ABCC8: variants seen among roughly 807,000 people sequenced by gnomAD.
The protein encoded by ABCC8 is ATP-binding cassette sub-family C member 8.
A neutral mutation model predicts 188.0 loss-of-function variants in ABCC8; 137 were observed. The ratio of observed to expected loss-of-function variants is 0.73; its 90% confidence interval spans 0.63 to 0.84. The LOEUF (loss-of-function observed/expected upper bound fraction) is 0.84, where lower values mean the gene tolerates loss of function less well. Among genes scored for constraint, ABCC8 ranks in the 40% least tolerant of loss-of-function variants. ABCC8 has a pLI of 0.00. For synonymous variants in ABCC8, 797 were observed against 846.5 expected (o/e 0.94, Z 1.01); for missense variants, 1,750 against 2,072.7 (o/e 0.84, Z 3.02).
intron 6 of ABCC8, among the ~76,000 whole-genome samples, chr11:17,456,015 C>T (rs1956982294): frequency 6.6e-6 from 1 of 151,532 alleles, no homozygotes; most frequent in African/African-American, 2.4e-5. Flanking sequence ...GAAGGCAGGC[C>T]CTGTTGGAGT....
In ABCC8 at chr11:17,400,433, G is replaced by A. The variant is rs144995111; in HGVS notation, c.3651-1992C>T. The stretch of plus-strand genomic sequence containing the variant: ...TGAGATGGGAGCTTCTGCCACAGGC[G>A]TGCGACAGTGTGTCTGAGGACTAGA... On this transcript the variant is annotated intron_variant, in intron 29 of 38. Coordinates refer to ENST00000389817, the MANE Select transcript of ABCC8 (RefSeq NM_000352.6). 2.2e-3 allele frequency among the ~76,000 whole-genome samples: 329 copies of A among 152,298 alleles called. 2 individuals carry two copies. Among genetic ancestry groups the A allele is most frequent in the Non-Finnish European group, 1.9e-3 (127 of 68,024 alleles).
intron 10 of ABCC8, among the ~76,000 whole-genome samples, chr11:17,438,903 C>A (rs56107683): frequency 6.6e-6 from 1 of 152,224 alleles, no homozygotes; most frequent in Non-Finnish European, 1.5e-5. Context: ...CAGAGCAACA[C>A]ACCTCACCAA....
chr11:17,397,110 C>G, intron 32 of ABCC8, 64 bp from the exon 33 acceptor site: 2 of 1,613,832 alleles, frequency 1.2e-6, no homozygotes, highest in Non-Finnish European at 1.7e-6. Context: ...AAGTGCCACC[C>G]CATCCCCAGG....
chr11:17,423,225 T>C (rs1487372559), intron 16 of ABCC8, among the ~76,000 whole-genome samples: 1 of 151,566 alleles, frequency 6.6e-6, no homozygotes, highest in Non-Finnish European at 1.5e-5. Context: ...GGCATGGTGG[T>C]GTACACCTGT....
At chr11:17,397,168 C>T (rs1953977378) in intron 32 of ABCC8, 25 bp downstream of exon 32, 1 of 1,613,392 alleles carries the variant, frequency 6.2e-7, no homozygotes, top group Non-Finnish European at 8.5e-7. Context: ...GGACTCTTCC[C>T]CACCCCTCTC....
At chr11:17,394,512 T>C (rs1269039927) in intron 36 of ABCC8, 113 bp from the exon 37 acceptor site, 1 of 1,551,934 alleles carries the variant, frequency 6.4e-7, no homozygotes, top group African/African-American at 1.4e-5. Flanking sequence ...GGCAAATAGG[T>C]GGGTGTGTGT....
chr11:17,405,975 A>G (rs1339458041), intron 26 of ABCC8, among the ~76,000 whole-genome samples: 2 of 152,230 alleles, frequency 1.3e-5, no homozygotes, highest in Non-Finnish European at 2.9e-5. Flanking sequence ...TGGGGCAAAT[A>G]GAGAGTAAAA....
At chr11:17,426,891 G>A (rs995518071) in intron 16 of ABCC8, among the ~76,000 whole-genome samples, 158 bp downstream of exon 16, 2 of 152,208 alleles carry the variant, frequency 1.3e-5, no homozygotes, top group African/African-American at 2.4e-5. Flanking sequence ...AGGTGAATAC[G>A]TACTAGTGAT....
At chr11:17,467,022 T>G (rs1221191773) in intron 3 of ABCC8, among the ~76,000 whole-genome samples, 4 of 144,848 alleles carry the variant, frequency 2.8e-5, no homozygotes, top group Non-Finnish European at 6.0e-5. Context: ...GATGATAAAT[T>G]TTATGTTAAA....
At chr11:17,418,763 C>T (rs867491235) in intron 16 of ABCC8, among the ~76,000 whole-genome samples, 8 of 152,184 alleles carry the variant, frequency 5.3e-5, no homozygotes, top group East Asian at 3.9e-4. Context: ...GATCAGCTCC[C>T]GTGTAATTTG....
intron 33 of ABCC8, chr11:17,396,622 T>C (rs1953941910): frequency 2.2e-6 from 1 of 449,222 alleles, no homozygotes; most frequent in Non-Finnish European, 4.1e-6. Context: ...CCCCTGACCA[T>C]TCGCAGAGAG....
At chr11:17,400,499 G>A (rs1954182843) in intron 29 of ABCC8, among the ~76,000 whole-genome samples, 1 of 152,142 alleles carries the variant, frequency 6.6e-6, no homozygotes, top group African/African-American at 2.4e-5. Flanking sequence ...CCAGGTTGGA[G>A]CCTGAACATC....
chr11:17,398,317 G>A, intron 30 of ABCC8, 22 bp downstream of exon 30: 1 of 1,613,862 alleles, frequency 6.2e-7, no homozygotes, highest in Non-Finnish European at 8.5e-7. Context: ...CAGAGGCCAG[G>A]GTAGAGGGGA....
chr11:17,450,553 C>A (rs1232351639), intron 7 of ABCC8, among the ~76,000 whole-genome samples: 2 of 150,724 alleles, frequency 1.3e-5, no homozygotes, highest in Non-Finnish European at 3.0e-5. Context: ...CGCCACCATG[C>A]CTGGCTAATT....
At chr11:17,396,290 G>A (rs2133404272) in intron 33 of ABCC8, 1 of 413,184 alleles carries the variant, frequency 2.4e-6, no homozygotes, top group South Asian at 2.2e-5. Flanking sequence ...GGTATGCATG[G>A]ATGTGTCTGT....
At chr11:17,394,226 T>C (rs1403313357) in intron 37 of ABCC8, 40 bp downstream of exon 37, 2 of 1,606,694 alleles carry the variant, frequency 1.2e-6, no homozygotes, top group African/African-American at 2.7e-5. Context: ...CACTAAACCC[T>C]TTCCAAGACC....
At chr11:17,442,604 G>A (rs1031961765) in intron 10 of ABCC8, 116 bp downstream of exon 10, 36 of 1,047,662 alleles carry the variant, frequency 3.4e-5, no homozygotes, top group African/African-American at 1.2e-4. Context: ...CTACTGAGTC[G>A]GATAATCTCA....
intron 7 of ABCC8, among the ~76,000 whole-genome samples, chr11:17,451,866 T>C (rs1408353615): frequency 1.3e-5 from 2 of 152,218 alleles, no homozygotes; most frequent in Non-Finnish European, 2.9e-5. Context: ...GCAAATCAGG[T>C]ATTACCATTT....
intron 8 of ABCC8, among the ~76,000 whole-genome samples, chr11:17,445,836 G>A (rs1564951593): frequency 6.6e-6 from 1 of 151,894 alleles, no homozygotes; most frequent in Non-Finnish European, 1.5e-5. Context: ...GGGGGGCTGG[G>A]ACAGGGCCAG....
Sources: allele counts gnomAD v4.1 joint callset (sites outside exome capture counted in the v4.1 genomes callset), GRCh38; gene constraint gnomAD v4.1.1; transcripts MANE v1.5; gene names NCBI Gene and HGNC (gene_info 2026-07-23, HGNC 2026-07-21).